Variants in RBMS1 observed in about 807,000 individuals in gnomAD.
The protein encoded by RBMS1 is RNA-binding motif, single-stranded-interacting protein 1.
In RBMS1, 17 loss-of-function variants were observed where a neutral mutation model predicts 62.3. That is an observed-to-expected ratio of 0.27 (90% confidence interval 0.19 to 0.41). The LOEUF is 0.41. Ranked by LOEUF, RBMS1 falls within the 10% of genes least tolerant of loss-of-function variation. RBMS1 has a pLI of 1.00. For synonymous variants in RBMS1, 172 were observed against 170.0 expected, an observed-to-expected ratio of 1.01 and a Z score of -0.09; for missense variants, 334 against 504.5, an observed-to-expected ratio of 0.66 and a Z score of 3.24.
chr2:160,384,787 T>G (rs1573974349), intron 1 of RBMS1, among the ~76,000 whole-genome samples: 1 of 152,308 alleles, frequency 6.6e-6, no homozygotes, highest in Non-Finnish European at 1.5e-5. Context: ...CTTGAGTCCA[T>G]CTTTCTCAAT....
chr2:160,444,915 G>A (rs960757766), intron 1 of RBMS1, among the ~76,000 whole-genome samples: 2 of 152,156 alleles, frequency 1.3e-5, no homozygotes, highest in African/African-American at 2.4e-5. Context: ...CTGGCACCCC[G>A]ATCTTGGACT....
chr2:160,286,158 G>C (rs1688378269), intron 7 of RBMS1, among the ~76,000 whole-genome samples: 1 of 151,530 alleles, frequency 6.6e-6, no homozygotes, highest in South Asian at 2.1e-4. Context: ...AAATTAGCCA[G>C]GAGTGGTGGC....
intron 1 of RBMS1, among the ~76,000 whole-genome samples, chr2:160,453,778 A>G (rs1375455972): frequency 1.3e-5 from 2 of 152,108 alleles, no homozygotes; most frequent in Non-Finnish European, 2.9e-5. Context: ...GTCATCTCCT[A>G]CCACTCTTCT....
At position 160,278,709 on chromosome 2, in the gene RBMS1, A is replaced by G. The variant is rs1407709631; in HGVS notation, c.952-51T>C. 1.0e-5 allele frequency: 12 copies of G among 1,154,856 alleles called. No homozygotes were observed. In the East Asian group the frequency reaches 1.2e-4, roughly 12 times the overall value. The allele number at this position is 1,154,856 out of a possible 1,614,324, so 71.5% of individuals were successfully genotyped here. ...ATTAGACAAACTGAGGCAAGAGTTA[A>G]GATCCTGTAATTACTTTTTACAAAG... On this transcript the variant is annotated intron_variant, in intron 10 of 13. Coordinates refer to ENST00000348849, the MANE Select transcript of RBMS1 (RefSeq NM_016836.4).
chr2:160,485,468 T>C (rs1685562733), intron 1 of RBMS1, among the ~76,000 whole-genome samples: 1 of 152,228 alleles, frequency 6.6e-6, no homozygotes, highest in Non-Finnish European at 1.5e-5. Context: ...TAGAGAACTA[T>C]ACGTGAATTA....
At chr2:160,400,290 A>T (rs1470668706) in intron 1 of RBMS1, among the ~76,000 whole-genome samples, 1 of 152,120 alleles carries the variant, frequency 6.6e-6, no homozygotes, top group Non-Finnish European at 1.5e-5. Context: ...TTGCACATGT[A>T]TCTCGGAACT....
chr2:160,320,454 C>CA (rs1319595701), intron 2 of RBMS1, among the ~76,000 whole-genome samples: 1 of 152,164 alleles, frequency 6.6e-6, no homozygotes, highest in Non-Finnish European at 1.5e-5. Context: ...GTCTGGGTGA[C>CA]AGAGTGAGAC....
In RBMS1 at chr2:160,297,728, A is replaced by G. The variant is rs538397071; in HGVS notation, c.640+2923T>C. ...AGAGACAGCCAGGCTAAAGGGAACC[A>G]AAGGGATCTGGGTCATTGGAAACCA... On this transcript the variant is annotated intron_variant, in intron 6 of 13. Coordinates refer to ENST00000348849, the MANE Select transcript of RBMS1 (RefSeq NM_016836.4). Among the ~76,000 whole-genome samples, 15 of 152,330 alleles carry G rather than the reference A, an allele frequency of 9.8e-5. No individual in the cohort carries two copies. The East Asian group carries it at 2.1e-3, about 22-fold the overall frequency.
chr2:160,420,322 T>C (rs1425306171), intron 1 of RBMS1, among the ~76,000 whole-genome samples: 2 of 152,204 alleles, frequency 1.3e-5, no homozygotes, highest in Non-Finnish European at 2.9e-5. Flanking sequence ...AAACAGCCTC[T>C]GTTTTTCCAT....
chr2:160,300,783 A>T (rs557164345), intron 5 of RBMS1, 53 bp from the exon 6 acceptor site: 2 of 1,469,224 alleles, frequency 1.4e-6, no homozygotes, highest in Non-Finnish European at 1.8e-6. Flanking sequence ...CTTAACTTTC[A>T]TCTTGTTCGG....
At chr2:160,311,224 C>CTATATATA (rs1553505400) in intron 4 of RBMS1, among the ~76,000 whole-genome samples, 24 of 56,588 alleles carry the variant, frequency 4.2e-4, no homozygotes, top group African/African-American at 1.2e-3. Flanking sequence ...ATCTATCTAT[C>CTATATATA]TATCTATCTA....
chr2:160,318,373 G>GA, intron 2 of RBMS1, 146 bp from the exon 3 acceptor site: 5 of 1,243,416 alleles, frequency 4.0e-6, no homozygotes, highest in Non-Finnish European at 4.3e-6. Context: ...TCTTTACTAA[G>GA]AGACAGGAAA....
rs76963677 is a variant in RBMS1, at chr2:160,306,864, T to C, written c.403-3377A>G. ...TTGAAATGAGGATAGTTTAGTATCT[T>C]TAAAAGCAGTGACAACCATAACTGG... On this transcript the variant is annotated intron_variant, in intron 4 of 13. Coordinates refer to ENST00000348849, the MANE Select transcript of RBMS1 (RefSeq NM_016836.4). 8.3e-3 allele frequency among the ~76,000 whole-genome samples: 1,257 copies of C among 152,272 alleles called. 10 individuals carry two copies. The highest frequency in any genetic ancestry group is 0.013 in the Non-Finnish European group (872 of 68,014).
chr2:160,282,411 C>T (rs554050164), intron 9 of RBMS1: 2 of 904,958 alleles, frequency 2.2e-6, no homozygotes, highest in East Asian at 5.1e-5. Context: ...GCCAATTTCT[C>T]AAATCCAATT....
intron 1 of RBMS1, among the ~76,000 whole-genome samples, chr2:160,440,670 C>T (rs1264311671): frequency 6.6e-6 from 1 of 152,148 alleles, no homozygotes; most frequent in Non-Finnish European, 1.5e-5. Flanking sequence ...TTTCCATTTC[C>T]TTAGTAGGTT....
chr2:160,293,104 CAT>C (rs1688764485), intron 6 of RBMS1, among the ~76,000 whole-genome samples: 1 of 152,172 alleles, frequency 6.6e-6, no homozygotes, highest in African/African-American at 2.4e-5. Flanking sequence ...GGACATTCCA[CAT>C]GTCTTCAAGT....
At chr2:160,341,646 C>T (rs1296175078) in intron 2 of RBMS1, among the ~76,000 whole-genome samples, 2 of 152,152 alleles carry the variant, frequency 1.3e-5, no homozygotes, top group Non-Finnish European at 2.9e-5. Flanking sequence ...GACATTGTCC[C>T]TGTTTTTAGG....
intron 1 of RBMS1, among the ~76,000 whole-genome samples, chr2:160,396,724 C>G (rs1365819474): frequency 6.6e-6 from 1 of 151,992 alleles, no homozygotes; most frequent in Non-Finnish European, 1.5e-5. Context: ...GCCACCAAGC[C>G]CGGCTGATTT....
At chr2:160,399,948 T>G (rs569032441) in intron 1 of RBMS1, among the ~76,000 whole-genome samples, 1 of 152,332 alleles carries the variant, frequency 6.6e-6, no homozygotes, top group East Asian at 1.9e-4. Context: ...GAACCAATTT[T>G]GCAAAGTGAT....
Sources: gnomAD v4.1 joint callset for allele counts (sites outside exome capture counted in the v4.1 genomes callset) on GRCh38, gnomAD v4.1.1 for gene constraint, MANE v1.5 for transcripts, NCBI Gene and HGNC (gene_info 2026-07-23, HGNC 2026-07-21) for gene names.